The following CCDC88C variants were observed in gnomAD, a reference collection of about 807,000 sequenced individuals.
The protein encoded by CCDC88C is coiled-coil and HOOK domain protein 88C, also known as protein Daple.
Under a neutral mutation model 198.8 loss-of-function variants are expected in CCDC88C, and 131 were observed. The ratio of observed to expected loss-of-function variants is 0.66; its 90% CI spans 0.57 to 0.76. The LOEUF is 0.76. Ranked by LOEUF, CCDC88C falls within the 30% of genes least tolerant of loss-of-function variation. The pLI, the probability that CCDC88C is intolerant of heterozygous loss-of-function variation, is 0.00. For synonymous variants in CCDC88C, 1,166 were observed against 1,114.7 expected (o/e 1.05, Z -0.92); for missense variants, 2,553 against 2,631.6 (o/e 0.97, Z 0.65).
chr14:91,389,732 A>T (rs1885370279), intron 3 of CCDC88C, among the ~76,000 whole-genome samples: 2 of 151,310 alleles, frequency 1.3e-5, no homozygotes, highest in South Asian at 2.1e-4. Context: ...AAATAAAAAA[A>T]AAAAAAGAAA....
intron 10 of CCDC88C, among the ~76,000 whole-genome samples, chr14:91,336,340 G>A (rs1433185605): frequency 6.6e-6 from 1 of 152,154 alleles, no homozygotes; most frequent in African/African-American, 2.4e-5. Flanking sequence ...GGTCAGGAAC[G>A]AACACGGAGA....
chr14:91,283,639 T>G, intron 25 of CCDC88C, 122 bp from the exon 26 acceptor site: 2 of 937,418 alleles, frequency 2.1e-6, no homozygotes, highest in East Asian at 5.3e-5. Context: ...AAAGCGGGGC[T>G]GCCACAGCTC....
At chr14:91,289,369 A>G (rs1890564037) in intron 24 of CCDC88C, 26 bp from the exon 25 acceptor site, 1 of 1,602,098 alleles carries the variant, frequency 6.2e-7, no homozygotes, top group Non-Finnish European at 8.5e-7. Context: ...TGTTTAGGAC[A>G]TAGCCAGCCC....
chr14:91,362,468 C>T (rs1316726025), intron 3 of CCDC88C, among the ~76,000 whole-genome samples: 1 of 152,072 alleles, frequency 6.6e-6, no homozygotes, highest in Non-Finnish European at 1.5e-5. Context: ...AAGGTCACTG[C>T]AAAAAATGCA....
intron 24 of CCDC88C, 84 bp downstream of exon 24, chr14:91,290,911 C>A: frequency 1.3e-6 from 1 of 797,210 alleles, no homozygotes; most frequent in Non-Finnish European, 2.2e-6. Flanking sequence ...GCGGGGCCTG[C>A]CCTAGATGGC....
intron 29 of CCDC88C, among the ~76,000 whole-genome samples, chr14:91,277,532 C>T (rs746639360): frequency 5.3e-5 from 8 of 152,190 alleles, no homozygotes; most frequent in Admixed American, 1.3e-4. Flanking sequence ...AGCCTAAAAT[C>T]ATTCCTCTCT....
chr14:91,317,615 T>C (rs1253409445), intron 13 of CCDC88C, among the ~76,000 whole-genome samples: 1 of 152,058 alleles, frequency 6.6e-6, no homozygotes, highest in Non-Finnish European at 1.5e-5. Flanking sequence ...CGGGCCAGAT[T>C]CCAGCCAGGC....
At chr14:91,283,067 C>A (rs770880204) in intron 26 of CCDC88C, among the ~76,000 whole-genome samples, 2 of 152,238 alleles carry the variant, frequency 1.3e-5, no homozygotes, top group Non-Finnish European at 2.9e-5. Flanking sequence ...CTATTTGGTG[C>A]CTTCATTTCC....
chr14:91,290,380 T>G (rs1293458862), intron 24 of CCDC88C, among the ~76,000 whole-genome samples: 1 of 152,192 alleles, frequency 6.6e-6, no homozygotes, highest in African/African-American at 2.4e-5. Context: ...CTCAAGGGAT[T>G]TGCAGTGATT....
At chr14:91,407,274 A>G (rs1030052121) in intron 3 of CCDC88C, among the ~76,000 whole-genome samples, 3 of 152,214 alleles carry the variant, frequency 2.0e-5, no homozygotes, top group African/African-American at 7.2e-5. Context: ...CCCACCCAGC[A>G]GTCCCTCAGC....
intron 25 of CCDC88C, among the ~76,000 whole-genome samples, chr14:91,286,682 G>A (rs1042750860): frequency 6.6e-6 from 1 of 152,200 alleles, no homozygotes; most frequent in South Asian, 2.1e-4. Flanking sequence ...ACTTATTCAA[G>A]GCTGGTGTCC....
chr14:91,307,446 G>C (rs1393064507), intron 17 of CCDC88C, among the ~76,000 whole-genome samples: 1 of 152,180 alleles, frequency 6.6e-6, no homozygotes, highest in Non-Finnish European at 1.5e-5. Context: ...AGGGAGGTGG[G>C]GGCCTGCAAC....
At chr14:91,277,446 T>C (rs970181341) in intron 29 of CCDC88C, among the ~76,000 whole-genome samples, 11 of 152,234 alleles carry the variant, frequency 7.2e-5, no homozygotes, top group African/African-American at 2.7e-4. Flanking sequence ...GTCCATCTAT[T>C]GACATAGGAT....
chr14:91,404,351 T>C (rs1176127497), intron 3 of CCDC88C, among the ~76,000 whole-genome samples: 1 of 152,186 alleles, frequency 6.6e-6, no homozygotes, highest in African/African-American at 2.4e-5. Context: ...GTGTATGTGA[T>C]GGAGAAGGGT....
Position 91,273,017 on chromosome 14 carries a change from G to C in CCDC88C, c.5695C>G (p.Leu1899Val). 2 of 1,554,402 alleles carry C rather than the reference G, an allele frequency of 1.3e-6. No homozygotes were observed. Among genetic ancestry groups the C allele is most frequent in the Non-Finnish European group, 1.7e-6 (2 of 1,154,840 alleles). Residue 1899 changes from leucine to valine, a missense_variant, in exon 30 of 30, where the codon CTG becomes GTG. Physicochemically the swap from Leu to Val is conservative, Grantham distance 32 (BLOSUM62 1). Transcript: ENST00000389857. The surrounding 1 kb of genome is among the most constrained non-coding windows in gnomAD (Gnocchi z 5.6). ...APPKEERLAP[L>V]HQSATAPAIA... ...GCGGGGGCTGTGGCAGACTGATGCA[G>C]GGGGGCCAGCCTCTCCTCCTTTGGG...
rs780564012 is a variant in CCDC88C, at chr14:91,408,661, G to T, written c.268C>A (p.Gln90Lys). Reference sequence around the variant, plus strand: ...CCCGACAGCAGAACTGCCCTTACCTGGTAGTAGGTCTTAATGTTTCTCACC... The same window carrying T: ...CCCGACAGCAGAACTGCCCTTACCTTGTAGTAGGTCTTAATGTTTCTCACC... Reference protein sequence around the residue: ...ILVRNIKTYYQEVLQQLIVMN... With the variant: ...ILVRNIKTYYKEVLQQLIVMN... The change falls in exon 3 of 30, where the codon CAG becomes AAG. Residue 90 changes from glutamine to lysine, a missense_variant and splice_region_variant. Gln to Lys is a moderately conservative substitution (Grantham distance 53). Coordinates refer to ENST00000389857, the MANE Select transcript of CCDC88C (RefSeq NM_001080414.4). 2 of 1,587,092 alleles carry T rather than the reference G, an allele frequency of 1.3e-6. No individual in the cohort carries two copies. Among genetic ancestry groups the T allele is most frequent in the Non-Finnish European group, 1.7e-6 (2 of 1,155,526 alleles).
chr14:91,279,421 G>A (rs1890108270), intron 27 of CCDC88C, 115 bp from the exon 28 acceptor site: 7 of 834,710 alleles, frequency 8.4e-6, no homozygotes, highest in East Asian at 5.5e-5. Context: ...TAAGCCCAAC[G>A]CCCTCAGGAA....
chr14:91,361,940 A>C (rs577331093), intron 3 of CCDC88C, among the ~76,000 whole-genome samples: 1 of 151,830 alleles, frequency 6.6e-6, no homozygotes, highest in African/African-American at 2.4e-5. Context: ...CCAGCCTCAA[A>C]ACTACACTCC....
chr14:91,405,203 G>A (rs771019806), intron 3 of CCDC88C, among the ~76,000 whole-genome samples: 5 of 152,108 alleles, frequency 3.3e-5, no homozygotes, highest in African/African-American at 9.7e-5. Context: ...CACGGCCCAC[G>A]CTCTTTAGGA....
Sources: gnomAD v4.1 joint callset for allele counts (sites outside exome capture counted in the v4.1 genomes callset) on GRCh38, gnomAD v4.1.1 for gene constraint, Gnocchi (gnomAD v3.1) non-coding constraint, MANE v1.5 for transcripts, NCBI Gene and HGNC (gene_info 2026-07-23, HGNC 2026-07-21) for gene names.